Variants in SLC6A15 observed in about 807,000 individuals in gnomAD.
SLC6A15 encodes the protein solute carrier family 6 member 15.
SLC6A15 carries 33 observed loss-of-function variants against 68.5 expected under a neutral mutation model. That is an observed-to-expected ratio of 0.48 (90% CI 0.37 to 0.64). The LOEUF (loss-of-function observed/expected upper bound fraction) is 0.64, where lower values mean the gene tolerates loss of function less well. SLC6A15 is among the 30% of genes least tolerant of loss of function. The pLI, the probability that SLC6A15 is intolerant of heterozygous loss-of-function variation, is 0.00. For synonymous variants in SLC6A15, 347 were observed against 301.0 expected (o/e 1.15, Z -1.58); for missense variants, 747 against 874.3 (o/e 0.85, Z 1.84).
At chr12:84,904,492 C>T (rs1873048014) in intron 1 of SLC6A15, among the ~76,000 whole-genome samples, 1 of 152,158 alleles carries the variant, frequency 6.6e-6, no homozygotes, top group Admixed American at 6.6e-5. Context: ...GATAAGATTA[C>T]TTATGTATTG....
intron 6 of SLC6A15, 35 bp from the exon 7 acceptor site, chr12:84,873,363 AAAT>A (rs757911885): frequency 6.2e-7 from 1 of 1,600,426 alleles, no homozygotes; most frequent in South Asian, 1.1e-5. Flanking sequence ...ATCAGCTACA[AAAT>A]AATGTTTCAG....
rs1870881615 is a variant in SLC6A15 at position 84,862,157 on chromosome 12, C to A, written c.1819-151G>T. ...AGAAAGCAGTAGAAGTGACACTCAG[C>A]AACTTCCAAGACTAGGCCTCAAAGG... On this transcript the variant is annotated intron_variant, in intron 11 of 11. Transcript: ENST00000266682. 5 of 725,460 alleles carry A rather than the reference C, an allele frequency of 6.9e-6. No homozygotes were observed. In the South Asian group the frequency reaches 9.5e-5, roughly 14 times the overall value. The allele number at this position is 725,460 out of a possible 1,614,324, so 44.9% of individuals were successfully genotyped here. A position where few individuals can be genotyped will look rare whatever the true frequency, so the allele number is the denominator to read the frequency against.
chr12:84,898,272 G>A (rs1226392612), intron 1 of SLC6A15, among the ~76,000 whole-genome samples: 1 of 152,116 alleles, frequency 6.6e-6, no homozygotes, highest in Admixed American at 6.6e-5. Context: ...GCCAGGAGGT[G>A]GATGTTGCAG....
At position 84,863,187 on chromosome 12, in the gene SLC6A15, A is replaced by G. The variant is rs530446238; in HGVS notation, c.1818+252T>C. Among the ~76,000 whole-genome samples, 20 of 152,182 alleles carry G rather than the reference A, an allele frequency of 1.3e-4. 1 individual carries two copies. Among genetic ancestry groups the G allele is most frequent in the Non-Finnish European group, 2.9e-4 (20 of 68,026 alleles). ...AAGGCCCAATAATTATTGGTTCATC[A>G]GTGTTAAGATGGATATATCTGCTTT... On this transcript the variant is annotated intron_variant, in intron 11 of 11. Transcript: ENST00000266682.
rs1871248507 is a variant in SLC6A15, at chr12:84,870,659, C to G, written c.1314G>C (p.Gly438=). ...TAAAGGCAATAAAAGCTAAGCCGGT[C>G]CCCTGAACAGCCTGCAAAATACACA... ...IEEELNKAVQ[G]TGLAFIAFTE... Residue 438 remains glycine, a synonymous_variant, in exon 9 of 12, where the codon GGG becomes GGC. Transcript: ENST00000266682. 4.4e-6 allele frequency: 7 copies of G among 1,608,088 alleles called. No individual in the cohort carries two copies. In the South Asian group the frequency reaches 6.7e-5, roughly 15 times the overall value.
rs1263014819 is a variant in SLC6A15, at chr12:84,872,784, T to C, written c.1120A>G (p.Thr374Ala). Residue 374 changes from threonine to alanine, a missense_variant, in exon 8 of 12, where the codon ACG becomes GCG. Physicochemically the swap from Thr to Ala is moderately conservative, Grantham distance 58 (BLOSUM62 0). Transcript: ENST00000266682. The part of the protein sequence containing the change: ...NEKCITQNSE[T>A]IMKFLKMGNI... ...CCCATTTTCAAAAATTTCATGATCG[T>C]CTCTGAATTTCTGAAAAATAAAACA... The C allele has an allele frequency of 5.0e-6, 8 of 1,599,684 alleles. No individual in the cohort carries two copies. Among genetic ancestry groups the C allele is most frequent in the Admixed American group, 1.8e-5 (1 of 56,494 alleles).
intron 5 of SLC6A15, chr12:84,881,981 A>C (rs1871841022): frequency 1.0e-6 from 1 of 981,598 alleles, no homozygotes; most frequent in Non-Finnish European, 1.2e-6. Context: ...CATTCTCATT[A>C]AAATAATAAA....
intron 2 of SLC6A15, among the ~76,000 whole-genome samples, chr12:84,890,005 T>C (rs1310569955): frequency 1.3e-5 from 2 of 152,148 alleles, no homozygotes; most frequent in Non-Finnish European, 2.9e-5. Flanking sequence ...AAGATTTTGA[T>C]AGCCTGAGGC....
intron 1 of SLC6A15, among the ~76,000 whole-genome samples, chr12:84,903,227 T>A (rs970618986): frequency 5.3e-5 from 8 of 152,136 alleles, no homozygotes; most frequent in African/African-American, 1.9e-4. Flanking sequence ...TTTTAGAGAT[T>A]TCTGAAGTAG....
At chr12:84,882,327 C>A in intron 5 of SLC6A15, 1 of 984,972 alleles carries the variant, frequency 1.0e-6, no homozygotes. Context: ...AAGACATACA[C>A]AATTGAACAA....
chr12:84,861,638 A>G lies in SLC6A15; in HGVS notation c.2187T>C (p.Asp729=). 6.3e-7 allele frequency: 1 copy of G among 1,590,708 alleles called. No individual in the cohort carries two copies. The change falls in exon 12 of 12, where the codon GAT becomes GAC. Residue 729 remains aspartate (D), a synonymous_variant. Transcript: ENST00000266682. The stretch of plus-strand genomic sequence containing the variant: ...CCACTGACTTTTCCCCCAGCTACAA[A>G]TCAGATTCTGGCATATCTGGCATAA... ...ADIMPDMPES[D]L is the part of the protein sequence containing the mutation.
At chr12:84,887,306 C>A (rs1046395253) in intron 2 of SLC6A15, among the ~76,000 whole-genome samples, 2 of 152,084 alleles carry the variant, frequency 1.3e-5, no homozygotes, top group Non-Finnish European at 2.9e-5. Flanking sequence ...CTATTCGAAT[C>A]GTCTTAATGG....
intron 9 of SLC6A15, among the ~76,000 whole-genome samples, chr12:84,869,323 G>T (rs954553096): frequency 2.0e-5 from 3 of 151,954 alleles, no homozygotes; most frequent in Non-Finnish European, 2.9e-5. Context: ...TTAGCCAAGC[G>T]TGTTGGCACG....
At position 84,861,609 on chromosome 12, in the gene SLC6A15, A is replaced by C; in HGVS notation, c.*23T>G. ...TTCATTGGTAAAAATGAACCAAATA[A>C]AACCCACTGACTTTTCCCCCAGCTA... On this transcript the variant is annotated 3_prime_UTR_variant, in exon 12 of 12. Transcript: ENST00000266682. 6.4e-7 allele frequency: 1 copy of C among 1,568,296 alleles called. No homozygotes were observed.
chr12:84,912,190 G>A (rs1592621750), intron 1 of SLC6A15, among the ~76,000 whole-genome samples: 1 of 152,238 alleles, frequency 6.6e-6, no homozygotes, highest in Non-Finnish European at 1.5e-5. Flanking sequence ...TTGGAAACGA[G>A]TAGGTCTCTG....
At position 84,898,356 on chromosome 12, in the gene SLC6A15, A is replaced by T. The variant is rs115805853; in HGVS notation, c.-188-6048T>A. On this transcript the variant is annotated intron_variant, in intron 1 of 11. Transcript: ENST00000266682. ...TCTGTCTTAAAAAACAAACAAACAA[A>T]CAAAAAACAACTTATTATATAAAAG... Among the ~76,000 whole-genome samples, 1,127 of 152,218 alleles carry T rather than the reference A, an allele frequency of 7.4e-3. 13 individuals are homozygous for T. Among genetic ancestry groups the T allele is most frequent in the African/African-American group, 0.026 (1,071 of 41,534 alleles).
intron 5 of SLC6A15, 102 bp from the exon 6 acceptor site, chr12:84,876,709 T>A (rs1871563666): frequency 1.9e-6 from 1 of 535,724 alleles, no homozygotes; most frequent in South Asian, 3.5e-5. Flanking sequence ...CACTGTTTCA[T>A]GACAGGATTA....
At chr12:84,866,640 C>T (rs1871076907) in intron 10 of SLC6A15, among the ~76,000 whole-genome samples, 1 of 152,198 alleles carries the variant, frequency 6.6e-6, no homozygotes, top group South Asian at 2.1e-4. Flanking sequence ...CTGCTGCTGT[C>T]CAGGTGGGTG....
chr12:84,875,227 G>T (rs1871466454), intron 6 of SLC6A15, among the ~76,000 whole-genome samples: 1 of 151,656 alleles, frequency 6.6e-6, no homozygotes. Context: ...AGTATTTTTG[G>T]TCATTAAGTG....
Sources: allele counts gnomAD v4.1 joint callset (sites outside exome capture counted in the v4.1 genomes callset), GRCh38; gene constraint gnomAD v4.1.1; transcripts MANE v1.5; gene names NCBI Gene and HGNC (gene_info 2026-07-23, HGNC 2026-07-21).